Variants in CNOT4 observed in about 807,000 individuals in gnomAD.
The protein encoded by CNOT4 is CCR4-associated factor 4.
Under a neutral mutation model 73.8 loss-of-function variants are expected in CNOT4, and 8 were observed. The observed-to-expected ratio is 0.11, with a 90% CI of 0.06 to 0.20. The LOEUF (loss-of-function observed/expected upper bound fraction) is 0.20. Among genes scored for constraint, CNOT4 ranks in the 10% least tolerant of loss-of-function variants. The pLI, the probability that CNOT4 is intolerant of heterozygous loss-of-function variation, is 1.00. For synonymous variants in CNOT4, 293 were observed against 321.1 expected, an observed-to-expected ratio of 0.91 and a Z score of 0.94; for missense variants, 564 against 883.4, an observed-to-expected ratio of 0.64 and a Z score of 4.58.
At chr7:135,478,226 T>A (rs1353937452) in intron 1 of CNOT4, among the ~76,000 whole-genome samples, 1 of 152,218 alleles carries the variant, frequency 6.6e-6, no homozygotes, top group African/African-American at 2.4e-5. Context: ...TCAACTAAGG[T>A]ATCACTCTTA....
intron 7 of CNOT4, among the ~76,000 whole-genome samples, chr7:135,408,804 G>A (rs1019015795): frequency 2.6e-5 from 4 of 152,110 alleles, no homozygotes; most frequent in Non-Finnish European, 4.4e-5. Context: ...ACTGGGAATC[G>A]ATTTTTTTCT....
chr7:135,475,755 A>AC (rs1476702548), intron 1 of CNOT4, among the ~76,000 whole-genome samples: 1 of 152,018 alleles, frequency 6.6e-6, no homozygotes, highest in African/African-American at 2.4e-5. Context: ...ACACACACAC[A>AC]AAAAAATCAG....
rs1759788129 is a variant in CNOT4 at position 135,464,718 on chromosome 7, T to C, written c.-92-26295A>G. Among the ~76,000 whole-genome samples the C allele has an allele frequency of 1.3e-5, 2 of 151,700 alleles. 1 individual carries two copies. The highest frequency in any genetic ancestry group is 4.8e-5 in the African/African-American group (2 of 41,350). ...CAATAGGAATAAAATACAATGCTAA[T>C]CAACATTCTATAATACTATTAAATT... On this transcript the variant is annotated intron_variant, in intron 1 of 11. Transcript: ENST00000541284.
intron 10 of CNOT4, among the ~76,000 whole-genome samples, chr7:135,391,949 T>C (rs916337763): frequency 2.6e-5 from 4 of 152,006 alleles, no homozygotes; most frequent in Non-Finnish European, 5.9e-5. Context: ...TTGTCAGAGT[T>C]TCTCATCTTC....
chr7:135,475,496 A>C (rs1204057909), intron 1 of CNOT4, among the ~76,000 whole-genome samples: 5 of 152,252 alleles, frequency 3.3e-5, no homozygotes, highest in Non-Finnish European at 7.3e-5. Context: ...AGAAGTACAA[A>C]AGAAAACTAA....
intron 10 of CNOT4, among the ~76,000 whole-genome samples, chr7:135,368,098 C>T (rs1795008318): frequency 6.6e-6 from 1 of 151,362 alleles, no homozygotes; most frequent in South Asian, 2.1e-4. Context: ...AACTCAAAGG[C>T]ACACAATTTA....
intron 1 of CNOT4, chr7:135,444,414 T>C: frequency 1.4e-6 from 1 of 737,098 alleles, no homozygotes; most frequent in South Asian, 1.4e-5. Context: ...ATCCATACCA[T>C]GGAATATTAG....
intron 10 of CNOT4, among the ~76,000 whole-genome samples, chr7:135,381,077 G>A (rs1184901695): frequency 1.3e-5 from 2 of 151,984 alleles, no homozygotes; most frequent in Admixed American, 6.6e-5. Context: ...ATTTAAATAG[G>A]GTCTTTGGTT....
At chr7:135,507,765 T>G (rs1399379340) in intron 1 of CNOT4, among the ~76,000 whole-genome samples, 1 of 152,172 alleles carries the variant, frequency 6.6e-6, no homozygotes, top group Non-Finnish European at 1.5e-5. Context: ...TCTCCACCAG[T>G]GTATTACAAC....
In CNOT4 at chr7:135,375,266, GT is replaced by G. The variant is rs763779701; in HGVS notation, c.1628-11201del. 9.2e-5 allele frequency among the ~76,000 whole-genome samples: 14 copies of G among 152,316 alleles called. No individual in the cohort carries two copies. The East Asian group carries it at 1.7e-3, about 19-fold the overall frequency. On this transcript the variant is annotated intron_variant, in intron 10 of 11. Transcript: ENST00000541284. ...AAACTGAGAGAGAACTCAAAATCAT[GT>G]TAAGTGTGGAATGGTTCAAAGAAGT...
chr7:135,429,660 C>T (rs1452631992), intron 2 of CNOT4, among the ~76,000 whole-genome samples: 1 of 152,184 alleles, frequency 6.6e-6, no homozygotes, highest in African/African-American at 2.4e-5. Context: ...GTTATTTACA[C>T]TCTTCCACTT....
chr7:135,436,299 T>C (rs1799150111), intron 2 of CNOT4, among the ~76,000 whole-genome samples: 1 of 151,898 alleles, frequency 6.6e-6, no homozygotes, highest in Admixed American at 6.6e-5. Flanking sequence ...TATTTTTCTG[T>C]AATGACAATT....
chr7:135,432,859 T>G (rs1798926545), intron 2 of CNOT4, among the ~76,000 whole-genome samples: 1 of 152,368 alleles, frequency 6.6e-6, no homozygotes, highest in South Asian at 2.1e-4. Context: ...ATCTTCTAGC[T>G]TGAAGTCTTG....
intron 1 of CNOT4, among the ~76,000 whole-genome samples, chr7:135,474,396 T>C (rs546549287): frequency 2.2e-4 from 33 of 150,902 alleles, no homozygotes; most frequent in Middle Eastern, 3.4e-3. Context: ...GCAATTCTCC[T>C]GCCTCAGCCT....
intron 1 of CNOT4, among the ~76,000 whole-genome samples, chr7:135,472,133 ACTG>A (rs2129486759): frequency 6.6e-6 from 1 of 151,356 alleles, no homozygotes; most frequent in Non-Finnish European, 1.5e-5. Context: ...AGATCACACC[ACTG>A]TACTCCAGCG....
chr7:135,478,899 T>C (rs1044128621), intron 1 of CNOT4, among the ~76,000 whole-genome samples: 3 of 152,074 alleles, frequency 2.0e-5, no homozygotes, highest in African/African-American at 7.2e-5. Flanking sequence ...AAAACAACTT[T>C]TAAAAGGATT....
chr7:135,450,371 T>C (rs947886439), intron 1 of CNOT4, among the ~76,000 whole-genome samples: 1 of 152,052 alleles, frequency 6.6e-6, no homozygotes, highest in African/African-American at 2.4e-5. Context: ...CAGGCTGGAG[T>C]GCAGTGGCGT....
At chr7:135,501,596 G>C (rs1803972426) in intron 1 of CNOT4, among the ~76,000 whole-genome samples, 1 of 152,188 alleles carries the variant, frequency 6.6e-6, no homozygotes, top group South Asian at 2.1e-4. Flanking sequence ...GCACACTATT[G>C]AACGAGTAAT....
At position 135,361,974 on chromosome 7, in the gene CNOT4, CAAGGA is replaced by C. The variant is rs1456117477; in HGVS notation, c.*906_*910del. ...TACAGGGTTAAGTAAAAGCTGCAGG[CAAGGA>C]GGTCAGAGATTTGCTCCCGATGGTG... On this transcript the variant is annotated 3_prime_UTR_variant, in exon 12 of 12. Coordinates refer to ENST00000541284, the MANE Select transcript of CNOT4 (RefSeq NM_001190850.2). 1 of 152,610 alleles carries C rather than the reference CAAGGA, an allele frequency of 6.6e-6. No homozygotes were observed. Among genetic ancestry groups the C allele is most frequent in the Non-Finnish European group, 1.5e-5 (1 of 68,070 alleles). The allele number at this position is 152,610 out of a possible 1,614,324, so 9.5% of individuals were successfully genotyped here.
Sources: gnomAD v4.1 joint callset for allele counts (sites outside exome capture counted in the v4.1 genomes callset) on GRCh38, gnomAD v4.1.1 for gene constraint, MANE v1.5 for transcripts, NCBI Gene and HGNC (gene_info 2026-07-23, HGNC 2026-07-21) for gene names.